The following GRAMD1B variants were observed in gnomAD, a reference collection of about 807,000 sequenced individuals.
GRAMD1B encodes the protein GRAM domain containing 1B.
In GRAMD1B, 37 loss-of-function variants were observed where a neutral mutation model predicts 99.7. The ratio of observed to expected loss-of-function variants is 0.37; its 90% confidence interval spans 0.29 to 0.49. The LOEUF (loss-of-function observed/expected upper bound fraction) is 0.49, where lower values mean the gene tolerates loss of function less well. GRAMD1B is among the 20% of genes least tolerant of loss of function. The probability of loss-of-function intolerance (pLI) is 0.98; values close to 1 mark genes in which losing one functional copy is unlikely to be tolerated. For synonymous variants in GRAMD1B, 427 were observed against 387.6 expected (o/e 1.10, Z -1.19); for missense variants, 888 against 1,009.2 (o/e 0.88, Z 1.63).
chr11:123,396,640 G>A (rs542244141), intron 1 of GRAMD1B, among the ~76,000 whole-genome samples: 12 of 152,274 alleles, frequency 7.9e-5, no homozygotes, highest in Non-Finnish European at 1.3e-4. Context: ...CTGCTCTGCT[G>A]CCTCTCCCAC....
intron 1 of GRAMD1B, among the ~76,000 whole-genome samples, chr11:123,422,795 G>A (rs1190245608): frequency 6.6e-6 from 1 of 152,116 alleles, no homozygotes; most frequent in Non-Finnish European, 1.5e-5. Flanking sequence ...CTCTGCTCAC[G>A]TTCAAACCTT....
chr11:123,560,455 G>T (rs1946611166), intron 2 of GRAMD1B: 1 of 1,196,748 alleles, frequency 8.4e-7, no homozygotes, highest in Non-Finnish European at 1.1e-6. Flanking sequence ...GCAAAGAAGC[G>T]CCCCCAGCTT....
At chr11:123,431,901 C>T (rs979300534) in intron 1 of GRAMD1B, 1 of 393,786 alleles carries the variant, frequency 2.5e-6, no homozygotes, top group African/African-American at 2.1e-5. Context: ...CAGCCCTGGT[C>T]AGGACTGCTG....
At chr11:123,615,809 A>G (rs1275066) in intron 17 of GRAMD1B, among the ~76,000 whole-genome samples, 50,859 of 152,040 alleles carry the variant, frequency 0.33, 9,840 homozygotes, top group South Asian at 0.5. Flanking sequence ...ATTATCCATA[A>G]CATTACAGCC....
chr11:123,577,513 C>A lies in GRAMD1B; in HGVS notation c.599C>A (p.Pro200Gln), dbSNP rs761144627. The A allele has an allele frequency of 1.2e-6, 2 of 1,600,514 alleles. No individual in the cohort carries two copies. Among genetic ancestry groups the A allele is most frequent in the African/African-American group, 1.3e-5 (1 of 74,582 alleles). ...DHSSDKSPST[P>Q]EQGVQRSCSS... ...TCCTCGGACAAGTCCCCGTCCACAC[C>A]GGAGCAGGGCGTGCAGCGCAGCTGC... Residue 200 changes from proline to glutamine, a missense_variant, in exon 3 of 20, where the codon CCG (proline) becomes CAG (glutamine). This residue lies in a region of GRAMD1B where 233 missense variants were observed against 154.6 expected (regional missense o/e 1.51). Coordinates refer to ENST00000635736, the MANE Select transcript of GRAMD1B (RefSeq NM_001387025.1).
At chr11:123,588,207 T>A (rs1386487834) in intron 4 of GRAMD1B, among the ~76,000 whole-genome samples, 1 of 152,116 alleles carries the variant, frequency 6.6e-6, no homozygotes, top group Non-Finnish European at 1.5e-5. Context: ...ATCCATCTGT[T>A]TTCTCCTGGG....
At chr11:123,572,858 A>G (rs1263457024) in intron 2 of GRAMD1B, among the ~76,000 whole-genome samples, 1 of 150,256 alleles carries the variant, frequency 6.7e-6, no homozygotes, top group East Asian at 2.0e-4. Flanking sequence ...TGGCTGGGGC[A>G]GGGGCACAGG....
At chr11:123,580,260 T>C (rs1949203183) in intron 3 of GRAMD1B, among the ~76,000 whole-genome samples, 1 of 152,096 alleles carries the variant, frequency 6.6e-6, no homozygotes, top group Admixed American at 6.5e-5. Flanking sequence ...GGGAATTAGG[T>C]TCTTTGAAGG....
chr11:123,612,002 G>T (rs1362127038), intron 14 of GRAMD1B, among the ~76,000 whole-genome samples: 1 of 152,182 alleles, frequency 6.6e-6, no homozygotes, highest in Non-Finnish European at 1.5e-5. Context: ...CCAGTGACTG[G>T]GAGCAAGAAT....
intron 2 of GRAMD1B, among the ~76,000 whole-genome samples, chr11:123,570,940 A>G (rs984466160): frequency 1.3e-5 from 2 of 152,322 alleles, no homozygotes; most frequent in East Asian, 1.9e-4. Context: ...GAAACAACGA[A>G]GTCAACACTT....
intron 2 of GRAMD1B, among the ~76,000 whole-genome samples, chr11:123,541,240 TACTGGGATTACAGGG>T (rs1458664831): frequency 1.3e-5 from 2 of 152,154 alleles, no homozygotes; most frequent in Non-Finnish European, 2.9e-5. Context: ...TGTCCCAAAG[TACTGGGATTACAGGG>T]ACTAGCATTC....
At chr11:123,370,461 C>T (rs1352624786) in intron 1 of GRAMD1B, among the ~76,000 whole-genome samples, 1 of 151,122 alleles carries the variant, frequency 6.6e-6, no homozygotes, top group Non-Finnish European at 1.5e-5. Context: ...CCACCTCAGC[C>T]TCCTGAGTAG....
intron 2 of GRAMD1B, among the ~76,000 whole-genome samples, chr11:123,542,766 C>T (rs993259574): frequency 1.3e-5 from 2 of 152,166 alleles, no homozygotes; most frequent in Non-Finnish European, 2.9e-5. Context: ...AATTCTTCTG[C>T]TTCAGCCTCC....
intron 2 of GRAMD1B, among the ~76,000 whole-genome samples, chr11:123,528,093 G>A (rs1007978514): frequency 6.6e-5 from 10 of 152,062 alleles, no homozygotes; most frequent in Non-Finnish European, 1.3e-4. Flanking sequence ...TTGGTCCAGG[G>A]GCCAAACCTT....
At chr11:123,620,496 A>AG (rs1954985920) in intron 19 of GRAMD1B, among the ~76,000 whole-genome samples, 1 of 148,058 alleles carries the variant, frequency 6.8e-6, no homozygotes, top group East Asian at 2.0e-4. Flanking sequence ...AAAAAAAAAA[A>AG]GGGAAAAGAA....
intron 11 of GRAMD1B, 186 bp from the exon 12 acceptor site, chr11:123,608,472 AG>A (rs1295991208): frequency 4.6e-6 from 7 of 1,519,560 alleles, no homozygotes; most frequent in African/African-American, 1.4e-5. Flanking sequence ...TCCCAGCAAA[AG>A]AAAGAGACCG....
chr11:123,606,189 A>C (rs971915552), intron 10 of GRAMD1B, among the ~76,000 whole-genome samples: 1 of 152,252 alleles, frequency 6.6e-6, no homozygotes, highest in Non-Finnish European at 1.5e-5. Context: ...TAAAATGTAA[A>C]GAGTTGTATC....
At position 123,393,405 on chromosome 11, in the gene GRAMD1B, A is replaced by G. The variant is rs145419694; in HGVS notation, c.-176+34606A>G. On this transcript the variant is annotated intron_variant, in intron 1 of 20. Transcript: ENST00000638157. ...TTGCCACAGAATCTGGTTTGGGAGA[A>G]GCCTGACAGGGTGGTTTTAGCCTAG... Among the ~76,000 whole-genome samples the G allele has an allele frequency of 6.2e-4, 94 of 152,352 alleles. No individual in the cohort carries two copies. In the East Asian group the frequency reaches 0.016, roughly 25 times the overall value.
intron 3 of GRAMD1B, 74 bp downstream of exon 3, chr11:123,577,651 A>C (rs1336372152): frequency 6.1e-6 from 7 of 1,149,164 alleles, no homozygotes; most frequent in Non-Finnish European, 8.9e-6. Flanking sequence ...GGTGAGCCGG[A>C]GAACATCTGC....
Sources: gnomAD v4.1 joint callset for allele counts (sites outside exome capture counted in the v4.1 genomes callset) on GRCh38, gnomAD v4.1.1 for gene constraint, gnomAD v4.1.1 regional missense constraint, MANE v1.5 for transcripts, NCBI Gene and HGNC (gene_info 2026-07-23, HGNC 2026-07-21) for gene names.